Variants in IFI30 observed in about 807,000 individuals in gnomAD.
IFI30 encodes gamma-interferon-inducible lysosomal thiol reductase.
Under a neutral mutation model 30.1 loss-of-function variants are expected in IFI30, and 26 were observed. The observed-to-expected ratio is 0.87, with a 90% CI of 0.63 to 1.20. IFI30 has a LOEUF of 1.20. Ranked by LOEUF, IFI30 falls within the 50% of genes most tolerant of loss-of-function variation. The pLI is 0.00. For missense variants in IFI30, 296 were observed against 312.5 expected (o/e 0.95, Z 0.40); for synonymous variants, 149 against 134.5 (o/e 1.11, Z -0.75).
chr19:18,177,646 G>C, intron 5 of IFI30, 65 bp from the exon 6 acceptor site: 1 of 1,580,420 alleles, frequency 6.3e-7, no homozygotes, highest in South Asian at 1.1e-5. Flanking sequence ...TTTCTGGGCT[G>C]GAACCAGGGT....
Position 18,175,096 on chromosome 19 carries a change from T to C in IFI30, c.189T>C (p.Asn63=). Residue 63 remains asparagine, a synonymous_variant, in exon 2 of 7, where the codon AAT becomes AAC. Coordinates refer to ENST00000407280, the MANE Select transcript of IFI30 (RefSeq NM_006332.5). ...AGAAGTCCAATGCACCGCTTGTCAA[T>C]GTGACCCTCTACTATGAAGCACTGT... ...PLKKSNAPLV[N]VTLYYEALCG... is the part of the protein sequence containing the mutation. The C allele has an allele frequency of 1.2e-6, 2 of 1,613,836 alleles. No individual in the cohort carries two copies. The highest frequency in any genetic ancestry group is 1.1e-5 in the South Asian group (1 of 91,044).
intron 1 of IFI30, chr19:18,174,202 C>G (rs1443948459): frequency 1.6e-5 from 8 of 496,916 alleles, no homozygotes; most frequent in Middle Eastern, 5.3e-4. Context: ...TGCCTCCACC[C>G]GCCTAGTCCC....
rs779256288 is a variant in IFI30 at position 18,177,868 on chromosome 19, G to C, written c.710G>C (p.Cys237Ser). The part of the protein sequence containing the change: ...QLYQGKKPDV[C>S]PSSTSSLRSV... ...CTCCAGGGCAAGAAGCCGGATGTCT[G>C]CCCTTCCTCAACCAGCTCCCTCAGG... Residue 237 changes from cysteine (C) to serine (S), a missense_variant, in exon 7 of 7, where the codon TGC becomes TCC. Transcript: ENST00000407280. The C allele has an allele frequency of 8.1e-6, 13 of 1,598,770 alleles. No individual in the cohort carries two copies. The highest frequency in any genetic ancestry group is 1.1e-5 in the Non-Finnish European group (13 of 1,172,618).
chr19:18,174,674 C>G (rs527525098), intron 1 of IFI30: 4 of 192,784 alleles, frequency 2.1e-5, no homozygotes, highest in Non-Finnish European at 4.3e-5. Flanking sequence ...GAGTTCGAGA[C>G]CATTCTGGCC....
intron 1 of IFI30, 101 bp from the exon 2 acceptor site, chr19:18,174,939 G>A: frequency 1.1e-6 from 1 of 887,862 alleles, no homozygotes; most frequent in East Asian, 2.6e-5. Context: ...AAGATGAATT[G>A]CGTATCACAG....
At chr19:18,177,403 G>A in intron 5 of IFI30, 111 bp downstream of exon 5, 5 of 1,255,996 alleles carry the variant, frequency 4.0e-6, no homozygotes, top group Non-Finnish European at 5.5e-6. Context: ...GCAGTGAGCT[G>A]AGATCATGCC....
At chr19:18,175,731 G>T (rs752652915) in intron 4 of IFI30, 34 bp downstream of exon 4, 2 of 1,527,328 alleles carry the variant, frequency 1.3e-6, no homozygotes, top group Non-Finnish European at 1.8e-6. Flanking sequence ...CCAAGGAGGG[G>T]GACATGGGTG....
chr19:18,177,248 C>G lies in IFI30; in HGVS notation c.592C>G (p.Leu198Val). 3 of 1,587,838 alleles carry G rather than the reference C, an allele frequency of 1.9e-6. No homozygotes were observed. The highest frequency in any genetic ancestry group is 1.1e-5 in the South Asian group (1 of 87,026). ...MHANAQRTDALQPPHEYVPWV... is the reference protein window; with the variant it reads ...MHANAQRTDAVQPPHEYVPWV... ...CGCCAACGCCCAGCGGACAGATGCT[C>G]TCCAGCCACCACACGAGTATGTGCC... The change falls in exon 5 of 7, where the codon CTC becomes GTC. Residue 198 changes from leucine (L) to valine (V), a missense_variant. Physicochemically the swap from Leu to Val is conservative, Grantham distance 32. Transcript: ENST00000407280.
At chr19:18,175,766 A>T (rs1967263323) in intron 4 of IFI30, 69 bp downstream of exon 4, 1 of 1,222,262 alleles carries the variant, frequency 8.2e-7, no homozygotes, top group African/African-American at 1.5e-5. Flanking sequence ...ATCCAGGCAG[A>T]CCCAAATTCA....
Position 18,177,777 on chromosome 19 carries a change from G to A in IFI30, c.690+13G>A. On this transcript the variant is annotated intron_variant, in intron 6 of 6. Coordinates refer to ENST00000407280, the MANE Select transcript of IFI30 (RefSeq NM_006332.5). ...CCAGTTGTACCAGGTAAGCTGGGAG[G>A]GGAGCAGTGGGATTCAGGTGGTGGG... 1.2e-6 allele frequency: 2 copies of A among 1,613,202 alleles called. No homozygotes were observed.
chr19:18,175,438 A>G (rs1282634370), intron 3 of IFI30, 53 bp downstream of exon 3: 2 of 1,521,612 alleles, frequency 1.3e-6, no homozygotes, highest in Non-Finnish European at 8.9e-7. Context: ...TCCCACGTAC[A>G]GGAGGCAAAT....
At chr19:18,176,365 G>A (rs1302916752) in intron 4 of IFI30, among the ~76,000 whole-genome samples, 2 of 151,836 alleles carry the variant, frequency 1.3e-5, no homozygotes, top group Non-Finnish European at 2.9e-5. Context: ...TGTTGGCCAG[G>A]CTGGTCTCAA....
At chr19:18,174,522 C>G (rs965621868) in intron 1 of IFI30, 1 of 159,666 alleles carries the variant, frequency 6.3e-6, no homozygotes, top group African/African-American at 2.4e-5. Flanking sequence ...GGAAAGGGTT[C>G]ACGTGGATCC....
chr19:18,178,002 T>C lies in IFI30; in HGVS notation c.*91T>C, dbSNP rs988546380. The C allele has an allele frequency of 3.9e-5, 52 of 1,327,072 alleles. No homozygotes were observed. Among genetic ancestry groups the C allele is most frequent in the South Asian group, 1.3e-5 (1 of 78,792 alleles). The allele number at this position is 1,327,072 out of a possible 1,614,324, so 82.2% of individuals were successfully genotyped here. On this transcript the variant is annotated 3_prime_UTR_variant, in exon 7 of 7. Transcript: ENST00000407280. The stretch of plus-strand genomic sequence containing the variant: ...GATCCAGACCCTCGGCACCTGCTAC[T>C]TACCAACTGGAAAATTTTATGCATC...
In IFI30 at chr19:18,178,028, C is replaced by A; in HGVS notation, c.*117C>A. ...TACCAACTGGAAAATTTTATGCATCCCATGAAGCCCAGATACACAAAATTC... is the reference window on the plus strand; with the variant it reads ...TACCAACTGGAAAATTTTATGCATCACATGAAGCCCAGATACACAAAATTC... On this transcript the variant is annotated 3_prime_UTR_variant, in exon 7 of 7. Coordinates refer to ENST00000407280, the MANE Select transcript of IFI30 (RefSeq NM_006332.5). The A allele has an allele frequency of 1.0e-6, 1 of 958,696 alleles. No individual in the cohort carries two copies. Among genetic ancestry groups the A allele is most frequent in the Non-Finnish European group, 1.6e-6 (1 of 616,918 alleles). The allele number at this position is 958,696 out of a possible 1,614,324, so 59.4% of individuals were successfully genotyped here. A position where few individuals can be genotyped will look rare whatever the true frequency, so the allele number is the denominator to read the frequency against.
rs768042602 is a variant in IFI30, at chr19:18,177,859, CG to C, written c.703del (p.Asp235MetfsTer20). On this transcript the variant is annotated frameshift_variant, in exon 7 of 7. Coordinates refer to ENST00000407280, the MANE Select transcript of IFI30 (RefSeq NM_006332.5). LOFTEE classifies it low-confidence loss of function (END_TRUNC). ...LVCQLYQGKK[P>X]DVCPSSTSSL... is the part of the protein sequence containing the mutation. ...GGCCTTCACCTCCAGGGCAAGAAGC[CG>C]GATGTCTGCCCTTCCTCAACCAGCT... is the stretch of plus-strand genomic sequence containing the variant. 20 of 1,599,862 alleles carry C rather than the reference CG, an allele frequency of 1.3e-5. No individual in the cohort carries two copies. Among genetic ancestry groups the C allele is most frequent in the Non-Finnish European group, 1.7e-5 (20 of 1,173,122 alleles).
At chr19:18,177,564 C>T in intron 5 of IFI30, 147 bp from the exon 6 acceptor site, 1 of 954,996 alleles carries the variant, frequency 1.0e-6, no homozygotes, top group Non-Finnish European at 1.6e-6. Context: ...CCTAGCCACC[C>T]CCATTGGGAA....
At chr19:18,176,550 T>C (rs983081460) in intron 4 of IFI30, among the ~76,000 whole-genome samples, 2 of 152,256 alleles carry the variant, frequency 1.3e-5, no homozygotes, top group Non-Finnish European at 2.9e-5. Context: ...GAGGCATTTC[T>C]GAGCTGGGCA....
In IFI30 at chr19:18,177,875, C is replaced by T. The variant is rs747099778; in HGVS notation, c.717C>T (p.Ser239=). 6.3e-7 allele frequency: 1 copy of T among 1,597,234 alleles called. No homozygotes were observed. Among genetic ancestry groups the T allele is most frequent in the Non-Finnish European group, 8.5e-7 (1 of 1,171,748 alleles). ...YQGKKPDVCP[S]STSSLRSVCF... ...GCAAGAAGCCGGATGTCTGCCCTTC[C>T]TCAACCAGCTCCCTCAGGAGTGTTT... Residue 239 remains serine, a synonymous_variant, in exon 7 of 7, where the codon TCC becomes TCT. Transcript: ENST00000407280.
Sources: gnomAD v4.1 joint callset for allele counts (sites outside exome capture counted in the v4.1 genomes callset) on GRCh38, gnomAD v4.1.1 for gene constraint, MANE v1.5 for transcripts, NCBI Gene and HGNC (gene_info 2026-07-23, HGNC 2026-07-21) for gene names.